The following FAF1 variants were observed in gnomAD, a reference collection of about 807,000 sequenced individuals.
FAF1 encodes the protein FAS-associated factor 1.
FAF1 carries 25 observed loss-of-function variants against 92.5 expected under a neutral mutation model. The ratio of observed to expected loss-of-function variants is 0.27; its 90% confidence interval spans 0.20 to 0.38. The LOEUF is 0.38. FAF1 is among the 10% of genes least tolerant of loss of function. The probability of loss-of-function intolerance (pLI) is 1.00; values close to 1 mark genes in which losing one functional copy is unlikely to be tolerated. For synonymous variants in FAF1, 234 were observed against 273.2 expected (o/e 0.86, Z 1.42); for missense variants, 636 against 793.3 (o/e 0.80, Z 2.38).
At chr1:50,460,468 T>C (rs1421502097) in intron 18 of FAF1, among the ~76,000 whole-genome samples, 1 of 152,104 alleles carries the variant, frequency 6.6e-6, no homozygotes, top group Non-Finnish European at 1.5e-5. Context: ...TGGAGAAAAA[T>C]ATGTGTGTTA....
At chr1:50,458,338 T>C (rs1011596078) in intron 18 of FAF1, among the ~76,000 whole-genome samples, 6 of 152,246 alleles carry the variant, frequency 3.9e-5, no homozygotes, top group Non-Finnish European at 8.8e-5. Context: ...CAAATATTGA[T>C]ATTGACACTT....
At chr1:50,498,369 G>A (rs181659804) in intron 15 of FAF1, among the ~76,000 whole-genome samples, 8 of 152,100 alleles carry the variant, frequency 5.3e-5, no homozygotes, top group Non-Finnish European at 1.0e-4. Context: ...TCTTTAGTAC[G>A]TCATTGAAAG....
intron 1 of FAF1, among the ~76,000 whole-genome samples, chr1:50,931,776 C>T (rs1225814619): frequency 6.6e-6 from 1 of 151,802 alleles, no homozygotes; most frequent in Non-Finnish European, 1.5e-5. Flanking sequence ...ACTCAGGAGG[C>T]TGAAGCAGAA....
At chr1:50,530,273 GTGTATGTATA>G (rs943470916) in intron 15 of FAF1, among the ~76,000 whole-genome samples, 1 of 140,236 alleles carries the variant, frequency 7.1e-6, no homozygotes, top group Non-Finnish European at 1.6e-5. Context: ...GTGTGTGTGT[GTGTATGTATA>G]TATGTATATA....
intron 4 of FAF1, among the ~76,000 whole-genome samples, chr1:50,777,075 A>G (rs1660990221): frequency 6.6e-6 from 1 of 151,996 alleles, no homozygotes; most frequent in South Asian, 2.1e-4. Context: ...GTCTGGGCAC[A>G]TAGTGAGACC....
At chr1:50,700,358 C>T (rs1657415735) in intron 7 of FAF1, among the ~76,000 whole-genome samples, 1 of 152,056 alleles carries the variant, frequency 6.6e-6, no homozygotes, top group South Asian at 2.1e-4. Flanking sequence ...GAACGCAGCC[C>T]CCGGCCTTTG....
intron 15 of FAF1, among the ~76,000 whole-genome samples, chr1:50,528,336 A>G (rs2149033911): frequency 1.3e-5 from 2 of 152,256 alleles, no homozygotes; most frequent in East Asian, 3.9e-4. Flanking sequence ...TTTTTACTTT[A>G]GTGATATTAT....
At chr1:50,914,163 C>G (rs1369086960) in intron 1 of FAF1, among the ~76,000 whole-genome samples, 1 of 152,142 alleles carries the variant, frequency 6.6e-6, no homozygotes, top group Non-Finnish European at 1.5e-5. Flanking sequence ...CAGCCAAACT[C>G]TTATTTTTTC....
intron 5 of FAF1, among the ~76,000 whole-genome samples, chr1:50,742,627 G>A (rs539651028): frequency 1.6e-4 from 25 of 152,262 alleles, no homozygotes; most frequent in African/African-American, 6.0e-4. Context: ...CAAGTGATCT[G>A]CCTGACTCAG....
intron 8 of FAF1, among the ~76,000 whole-genome samples, chr1:50,622,875 T>C (rs943280007): frequency 5.9e-5 from 9 of 152,176 alleles, no homozygotes; most frequent in African/African-American, 1.7e-4. Flanking sequence ...GTAGGCACAA[T>C]TGGTCATAAA....
At chr1:50,926,121 G>A in intron 1 of FAF1, among the ~76,000 whole-genome samples, 1 of 152,248 alleles carries the variant, frequency 6.6e-6, no homozygotes, top group East Asian at 1.9e-4. Context: ...GGAGACTGAG[G>A]GGGGAGGATC....
chr1:50,773,810 C>T (rs1191825919), intron 4 of FAF1, among the ~76,000 whole-genome samples: 1 of 151,978 alleles, frequency 6.6e-6, no homozygotes, highest in East Asian at 1.9e-4. Context: ...ATGTATCACT[C>T]AAAATTGCTA....
chr1:50,731,227 G>GCAT (rs1658902111), intron 6 of FAF1, among the ~76,000 whole-genome samples: 1 of 152,152 alleles, frequency 6.6e-6, no homozygotes, highest in East Asian at 1.9e-4. Flanking sequence ...TGTGAAAGAA[G>GCAT]CATCCCATGA....
At chr1:50,631,859 A>G (rs2124211099) in intron 8 of FAF1, among the ~76,000 whole-genome samples, 1 of 152,338 alleles carries the variant, frequency 6.6e-6, no homozygotes, top group African/African-American at 2.4e-5. Context: ...CATTGAACCT[A>G]TATGAAGATT....
At chr1:50,629,316 C>G (rs1653654685) in intron 8 of FAF1, among the ~76,000 whole-genome samples, 2 of 152,088 alleles carry the variant, frequency 1.3e-5, no homozygotes, top group Non-Finnish European at 2.9e-5. Flanking sequence ...ATTATAGGTG[C>G]ATGGCACCAC....
rs571658978 is a variant in FAF1 at position 50,863,892 on chromosome 1, G to A, written c.46-5895C>T. On this transcript the variant is annotated intron_variant, in intron 1 of 18. Coordinates refer to ENST00000396153, the MANE Select transcript of FAF1 (RefSeq NM_007051.3). ...GCCACAATTTCAGAGCCTGTTATTG[G>A]TCTATTCAGAGAGTCAACTTCTTCC... 3.3e-5 allele frequency among the ~76,000 whole-genome samples: 5 copies of A among 152,178 alleles called. No homozygotes were observed. In the East Asian group the frequency reaches 9.7e-4, roughly 29 times the overall value.
At chr1:50,764,429 A>G (rs546872959) in intron 4 of FAF1, among the ~76,000 whole-genome samples, 1 of 152,314 alleles carries the variant, frequency 6.6e-6, no homozygotes, top group African/African-American at 2.4e-5. Context: ...ATGTTTCCCT[A>G]TGTAGCAATC....
chr1:50,474,544 A>G (rs1199272344), intron 18 of FAF1, among the ~76,000 whole-genome samples: 2 of 152,128 alleles, frequency 1.3e-5, no homozygotes, highest in Non-Finnish European at 2.9e-5. Flanking sequence ...GTGCAGAGTT[A>G]AACAGGACCA....
intron 13 of FAF1, 39 bp from the exon 14 acceptor site, chr1:50,539,767 A>G (rs748431307): frequency 6.6e-7 from 1 of 1,511,230 alleles, no homozygotes; most frequent in Non-Finnish European, 9.1e-7. Flanking sequence ...TTTGCTTTGT[A>G]GTTTAATAGA....
Sources: allele counts gnomAD v4.1 joint callset (sites outside exome capture counted in the v4.1 genomes callset), GRCh38; gene constraint gnomAD v4.1.1; transcripts MANE v1.5; gene names NCBI Gene and HGNC (gene_info 2026-07-23, HGNC 2026-07-21).